SCFD2: variants seen among roughly 807,000 people sequenced by gnomAD.
SCFD2 encodes the protein sec1 family domain containing 2.
Under a neutral mutation model 58.9 loss-of-function variants are expected in SCFD2, and 54 were observed. The ratio of observed to expected loss-of-function variants is 0.92; its 90% CI spans 0.74 to 1.15. The LOEUF (loss-of-function observed/expected upper bound fraction) is 1.15, where lower values mean the gene tolerates loss of function less well. Among genes scored for constraint, SCFD2 ranks in the 50% most tolerant of loss-of-function variants. SCFD2 has a pLI of 0.00. For missense variants in SCFD2, 805 were observed against 836.6 expected (o/e 0.96, Z 0.47); for synonymous variants, 321 against 335.9 (o/e 0.96, Z 0.49).
At chr4:53,205,641 C>T (rs970079924) in intron 4 of SCFD2, among the ~76,000 whole-genome samples, 1 of 151,906 alleles carries the variant, frequency 6.6e-6, no homozygotes, top group South Asian at 2.1e-4. Context: ...GGGCGGATCA[C>T]GAGGTCAGGA....
chr4:52,954,323 T>C lies in SCFD2; in HGVS notation c.1562-33453A>G, dbSNP rs17082217. The stretch of plus-strand genomic sequence containing the variant: ...AGTGCCTGTATTCTTCTATCAAGTA[T>C]GTCTTTAGCCTCATCTTCCCATCTT... On this transcript the variant is annotated intron_variant, in intron 5 of 8. Coordinates refer to ENST00000401642, the MANE Select transcript of SCFD2 (RefSeq NM_152540.4). Among the ~76,000 whole-genome samples, 2,143 of 152,226 alleles carry C rather than the reference T, an allele frequency of 0.014. 230 individuals carry two copies. In the East Asian group the frequency reaches 0.29, roughly 21 times the overall value.
chr4:53,015,383 GC>G (rs1195006746), intron 5 of SCFD2, among the ~76,000 whole-genome samples: 3 of 152,114 alleles, frequency 2.0e-5, no homozygotes, highest in Non-Finnish European at 4.4e-5. Context: ...TAAGACAGCA[GC>G]TCTGCCCTGA....
chr4:53,278,265 C>G (rs1238985183), intron 3 of SCFD2, among the ~76,000 whole-genome samples: 1 of 151,284 alleles, frequency 6.6e-6, no homozygotes, highest in African/African-American at 2.4e-5. Context: ...TACTCAGGAG[C>G]TGAGGCAGGA....
At chr4:53,313,800 T>A in intron 2 of SCFD2, 37 bp from the exon 3 acceptor site, 3 of 1,609,846 alleles carry the variant, frequency 1.9e-6, no homozygotes, top group Non-Finnish European at 2.6e-6. Flanking sequence ...TAGAATAAAT[T>A]TCTACTGGAT....
chr4:52,995,541 C>A (rs1454375402), intron 5 of SCFD2, among the ~76,000 whole-genome samples: 1 of 152,228 alleles, frequency 6.6e-6, no homozygotes, highest in Non-Finnish European at 1.5e-5. Flanking sequence ...TTCCGTTTGA[C>A]CAGCATGTAG....
intron 4 of SCFD2, among the ~76,000 whole-genome samples, chr4:53,199,478 G>T (rs1157155345): frequency 2.0e-5 from 3 of 152,106 alleles, no homozygotes; most frequent in Non-Finnish European, 4.4e-5. Context: ...TGAGTGATAA[G>T]AGTATCATTG....
intron 5 of SCFD2, among the ~76,000 whole-genome samples, chr4:52,934,274 T>C (rs991352559): frequency 6.6e-6 from 1 of 152,160 alleles, no homozygotes; most frequent in Non-Finnish European, 1.5e-5. Flanking sequence ...GGACCAGCCT[T>C]AATGAACAGC....
Position 53,365,958 on chromosome 4 carries a change from A to G in SCFD2, c.-17T>C. On this transcript the variant is annotated 5_prime_UTR_variant, in exon 1 of 9. Transcript: ENST00000401642. The surrounding 1 kb of genome is among the most constrained non-coding windows in gnomAD (Gnocchi z 4.3). ...GGCGCTCATGGTTGGGGATTCGCAG[A>G]CTTGGGAAACTACGGTGCAGGAACT... 6.6e-7 allele frequency: 1 copy of G among 1,512,346 alleles called. No homozygotes were observed. The highest frequency in any genetic ancestry group is 1.8e-4 in the Middle Eastern group (1 of 5,596). The allele number at this position is 1,512,346 out of a possible 1,614,324, so 93.7% of individuals were successfully genotyped here.
intron 5 of SCFD2, among the ~76,000 whole-genome samples, chr4:53,076,613 C>T (rs1424690579): frequency 6.6e-6 from 1 of 151,988 alleles, no homozygotes; most frequent in African/African-American, 2.4e-5. Flanking sequence ...ATGAGGTGGA[C>T]GGACCAATCA....
At chr4:53,255,472 T>G (rs1410106294) in intron 4 of SCFD2, among the ~76,000 whole-genome samples, 4 of 152,068 alleles carry the variant, frequency 2.6e-5, no homozygotes, top group African/African-American at 9.7e-5. Flanking sequence ...GCACTGCCCT[T>G]AATCCATTTA....
chr4:53,164,611 T>C (rs1335185096), intron 4 of SCFD2, among the ~76,000 whole-genome samples: 6 of 151,964 alleles, frequency 3.9e-5, no homozygotes, highest in African/African-American at 1.5e-4. Context: ...TTGGCCAACA[T>C]GGCAAAACCC....
At chr4:53,270,172 T>C (rs1345805255) in intron 4 of SCFD2, among the ~76,000 whole-genome samples, 2 of 152,160 alleles carry the variant, frequency 1.3e-5, no homozygotes, top group Non-Finnish European at 2.9e-5. Context: ...TGGGAACAAG[T>C]TGAATTTGTC....
chr4:52,960,709 GACACAC>G (rs72290110), intron 5 of SCFD2, among the ~76,000 whole-genome samples: 2 of 149,772 alleles, frequency 1.3e-5, no homozygotes, highest in African/African-American at 2.5e-5. Context: ...TTCTTTCTCT[GACACAC>G]ACACACACAC....
At chr4:52,895,541 T>G (rs1027520126) in intron 7 of SCFD2, among the ~76,000 whole-genome samples, 5 of 152,228 alleles carry the variant, frequency 3.3e-5, no homozygotes, top group Admixed American at 2.6e-4. Flanking sequence ...ATGGTGTATA[T>G]GTGCCACATT....
chr4:53,300,721 T>C (rs1322589848), intron 3 of SCFD2, among the ~76,000 whole-genome samples: 5 of 152,104 alleles, frequency 3.3e-5, no homozygotes, highest in African/African-American at 1.2e-4. Context: ...TCAGGAAACG[T>C]AAAAGAACAG....
At chr4:53,310,346 G>A (rs1328705178) in intron 3 of SCFD2, among the ~76,000 whole-genome samples, 1 of 152,144 alleles carries the variant, frequency 6.6e-6, no homozygotes, top group Non-Finnish European at 1.5e-5. Context: ...TTAAACACTG[G>A]GGAATATGTC....
intron 4 of SCFD2, among the ~76,000 whole-genome samples, chr4:53,245,846 G>T (rs1490384102): frequency 6.6e-6 from 1 of 152,058 alleles, no homozygotes; most frequent in African/African-American, 2.4e-5. Context: ...GGAAGTCCTG[G>T]TCAGAGCAAT....
intron 5 of SCFD2, among the ~76,000 whole-genome samples, chr4:53,130,409 A>T (rs1725754045): frequency 6.6e-6 from 1 of 152,216 alleles, no homozygotes; most frequent in African/African-American, 2.4e-5. Flanking sequence ...AAATACAGAG[A>T]TATAAACCTG....
chr4:53,259,131 A>C (rs1309549022), intron 4 of SCFD2, among the ~76,000 whole-genome samples: 1 of 152,186 alleles, frequency 6.6e-6, no homozygotes, highest in Non-Finnish European at 1.5e-5. Flanking sequence ...TCTTAGTCAG[A>C]TGTATAGATT....
Sources: gnomAD v4.1 joint callset for allele counts (sites outside exome capture counted in the v4.1 genomes callset) on GRCh38, gnomAD v4.1.1 for gene constraint, Gnocchi (gnomAD v3.1) non-coding constraint, MANE v1.5 for transcripts, NCBI Gene and HGNC (gene_info 2026-07-23, HGNC 2026-07-21) for gene names.